LUZP1: variants seen among roughly 807,000 people sequenced by gnomAD.
LUZP1 encodes filamin mechanobinding actin cross-linking protein.
Under a neutral mutation model 71.3 loss-of-function variants are expected in LUZP1, and 25 were observed. The ratio of observed to expected loss-of-function variants is 0.35; its 90% CI spans 0.26 to 0.49. LUZP1 has a LOEUF of 0.49. LUZP1 is among the 20% of genes least tolerant of loss of function. The probability of loss-of-function intolerance (pLI) is 0.99; values close to 1 mark genes in which losing one functional copy is unlikely to be tolerated. For synonymous variants in LUZP1, 481 were observed against 506.4 expected, an observed-to-expected ratio of 0.95 and a Z score of 0.67; for missense variants, 1,142 against 1,300.8, an observed-to-expected ratio of 0.88 and a Z score of 1.88.
At chr1:23,154,363 T>C (rs1430373628) in intron 2 of LUZP1, among the ~76,000 whole-genome samples, 1 of 151,740 alleles carries the variant, frequency 6.6e-6, no homozygotes, top group Non-Finnish European at 1.5e-5. Context: ...CAGACCCCCA[T>C]CTCTACAAAA....
chr1:23,116,428 G>A (rs564335157), intron 2 of LUZP1, among the ~76,000 whole-genome samples: 2 of 152,204 alleles, frequency 1.3e-5, no homozygotes, highest in East Asian at 3.9e-4. Flanking sequence ...AGCTGAGACG[G>A]GAGAATTGCT....
chr1:23,127,698 C>T (rs6676640), intron 2 of LUZP1, among the ~76,000 whole-genome samples: 89,059 of 151,784 alleles, frequency 0.59, 28,936 homozygotes, highest in African/African-American at 0.88. Context: ...TAATTTTTTG[C>T]ATTTTTAGTA....
At chr1:23,156,109 G>A (rs375360140) in intron 2 of LUZP1, among the ~76,000 whole-genome samples, 40 of 152,260 alleles carry the variant, frequency 2.6e-4, no homozygotes, top group East Asian at 2.3e-3. Context: ...GGCCAGGCAC[G>A]GTAGCTCACA....
chr1:23,167,896 G>C (rs1051462858), intron 2 of LUZP1, among the ~76,000 whole-genome samples: 3 of 151,988 alleles, frequency 2.0e-5, no homozygotes, highest in Non-Finnish European at 4.4e-5. Flanking sequence ...GGCTGGGCGG[G>C]GGCCGGGGGT....
At chr1:23,144,697 T>C (rs138649723) in intron 2 of LUZP1, among the ~76,000 whole-genome samples, 1 of 152,216 alleles carries the variant, frequency 6.6e-6, no homozygotes, top group Non-Finnish European at 1.5e-5. Context: ...AGGAAGAGAA[T>C]AAAAAACCAA....
chr1:23,117,486 C>G (rs1486478171), intron 2 of LUZP1, among the ~76,000 whole-genome samples: 9 of 41,024 alleles, frequency 2.2e-4, no homozygotes, highest in Non-Finnish European at 4.0e-4. Context: ...TCCCCCCCCC[C>G]CCCCCACAAT....
At chr1:23,118,918 C>A (rs970097639) in intron 2 of LUZP1, among the ~76,000 whole-genome samples, 1 of 152,148 alleles carries the variant, frequency 6.6e-6, no homozygotes, top group Non-Finnish European at 1.5e-5. Flanking sequence ...TTCTAAGATT[C>A]TTGGGCCTAT....
At position 23,093,481 on chromosome 1, in the gene LUZP1, G is replaced by T; in HGVS notation, c.781C>A (p.Leu261Met). 6.2e-7 allele frequency: 1 copy of T among 1,612,714 alleles called. No homozygotes were observed. The highest frequency in any genetic ancestry group is 1.1e-5 in the South Asian group (1 of 90,472). The change falls in exon 4 of 5, where the codon CTG (leucine) becomes ATG (methionine). Residue 261 changes from leucine to methionine, a missense_variant. Leu to Met is a conservative substitution (Grantham distance 15). Transcript: ENST00000302291. This position sits in a 1 kb window ranked among gnomAD's most constrained non-coding sequence, Gnocchi z 4.2. ...TTCTCTACCTGCTTTAGGTAGTCCA[G>T]ACCACCCTTCCTTCTTGATTCTTTG...
intron 2 of LUZP1, among the ~76,000 whole-genome samples, chr1:23,148,545 C>T (rs1644359710): frequency 6.6e-6 from 1 of 152,142 alleles, no homozygotes; most frequent in South Asian, 2.1e-4. Context: ...AATTCAATGA[C>T]AAACTCCAGG....
intron 2 of LUZP1, among the ~76,000 whole-genome samples, chr1:23,154,550 C>CT (rs202217560): frequency 0.15 from 22,484 of 146,922 alleles, 2,003 homozygotes; most frequent in South Asian, 0.32. Context: ...TTTTTCTTTT[C>CT]TTTTTTTTTT....
intron 2 of LUZP1, among the ~76,000 whole-genome samples, chr1:23,122,174 ACT>A (rs1644135535): frequency 6.6e-6 from 1 of 152,208 alleles, no homozygotes; most frequent in Non-Finnish European, 1.5e-5. Context: ...TTGAGTGGGC[ACT>A]CAATAAAGTT....
intron 2 of LUZP1, among the ~76,000 whole-genome samples, 188 bp from the exon 2 acceptor site, chr1:23,109,315 A>C (rs1644009545): frequency 6.6e-6 from 1 of 152,200 alleles, no homozygotes; most frequent in African/African-American, 2.4e-5. Context: ...CTCTCTCAGG[A>C]AAGTCAAGAA....
At chr1:23,120,879 C>A (rs1415100815) in intron 2 of LUZP1, among the ~76,000 whole-genome samples, 1 of 152,154 alleles carries the variant, frequency 6.6e-6, no homozygotes, top group Non-Finnish European at 1.5e-5. Flanking sequence ...CCAAAAGAGG[C>A]AGAAACAAGA....
intron 3 of LUZP1, among the ~76,000 whole-genome samples, chr1:23,096,038 G>A (rs1160682022): frequency 6.6e-6 from 1 of 150,806 alleles, no homozygotes; most frequent in African/African-American, 2.4e-5. Context: ...GGCAGAGCAA[G>A]TCAAGTAAAA....
chr1:23,170,964 C>T (rs1315427098), intron 1 of LUZP1, among the ~76,000 whole-genome samples: 1 of 151,528 alleles, frequency 6.6e-6, no homozygotes, highest in Non-Finnish European at 1.5e-5. Context: ...TGGTGGTGCC[C>T]GTGCAGTCTC....
At chr1:23,164,811 C>G (rs1221156271) in intron 2 of LUZP1, among the ~76,000 whole-genome samples, 1 of 152,194 alleles carries the variant, frequency 6.6e-6, no homozygotes, top group Non-Finnish European at 1.5e-5. Context: ...AGGCCTTCAA[C>G]CACTTTACAC....
At chr1:23,108,978 C>A (rs960124335) in intron 3 of LUZP1, 44 bp downstream of exon 2, 1 of 152,126 alleles carries the variant, frequency 6.6e-6, no homozygotes, top group Admixed American at 6.5e-5. Flanking sequence ...AGAAACCACC[C>A]AATTCTATTG....
exon 4 of LUZP1, chr1:23,092,576 C>T: frequency 6.2e-7 from 1 of 1,614,172 alleles, no homozygotes; most frequent in South Asian, 1.1e-5. Flanking sequence ...CTCCAATGGC[C>T]TTAGAACAGC....
exon 4 of LUZP1, chr1:23,092,179 T>C: frequency 6.2e-7 from 1 of 1,614,182 alleles, no homozygotes; most frequent in Non-Finnish European, 8.5e-7. Context: ...CCTCGGGTTT[T>C]AGCCTTTTCT....
Sources: gnomAD v4.1 joint callset for allele counts (sites outside exome capture counted in the v4.1 genomes callset) on GRCh38, gnomAD v4.1.1 for gene constraint, Gnocchi (gnomAD v3.1) non-coding constraint, MANE v1.5 for transcripts, NCBI Gene and HGNC (gene_info 2026-07-23, HGNC 2026-07-21) for gene names.